The following DIAPH2 variants were observed in gnomAD, a reference collection of about 807,000 sequenced individuals.
DIAPH2 encodes the protein protein diaphanous homolog 2.
A neutral mutation model predicts 92.7 loss-of-function variants in DIAPH2; 35 were observed. The ratio of observed to expected loss-of-function variants is 0.38; its 90% CI spans 0.29 to 0.50. DIAPH2 has a LOEUF of 0.50. Ranked by LOEUF, DIAPH2 falls within the 20% of genes least tolerant of loss-of-function variation. The probability of loss-of-function intolerance (pLI) is 0.94; values close to 1 mark genes in which losing one functional copy is unlikely to be tolerated. For synonymous variants in DIAPH2, 301 were observed against 280.4 expected (o/e 1.07, Z -0.73); for missense variants, 701 against 819.5 (o/e 0.86, Z 1.77).
chrX:97,559,413 C>T (rs1204648517), intron 26 of DIAPH2, among the ~76,000 whole-genome samples: 1 of 108,817 alleles, frequency 9.2e-6, no homozygotes, highest in Non-Finnish European at 1.9e-5. Context: ...TCGCTTGAAT[C>T]CAGGAGGCGG....
At chrX:97,287,811 C>A (rs183398938) in intron 23 of DIAPH2, among the ~76,000 whole-genome samples, 1 of 106,797 alleles carries the variant, frequency 9.4e-6, no homozygotes, top group African/African-American at 3.4e-5. Flanking sequence ...CCAAAATTGG[C>A]CGGGCCTAGT....
intron 26 of DIAPH2, among the ~76,000 whole-genome samples, chrX:97,532,956 T>C (rs2071070473): frequency 9.0e-6 from 1 of 111,468 alleles, no homozygotes; most frequent in South Asian, 3.8e-4. Flanking sequence ...TCTTAGTGGA[T>C]AAGGTATCTG....
At chrX:97,205,046 C>T (rs953108277) in intron 22 of DIAPH2, among the ~76,000 whole-genome samples, 1 of 110,312 alleles carries the variant, frequency 9.1e-6, no homozygotes, top group Non-Finnish European at 1.9e-5. Context: ...TGATCTTCAA[C>T]AAAACTGACA....
intron 19 of DIAPH2, among the ~76,000 whole-genome samples, chrX:97,076,678 G>A (rs1156727366): frequency 9.0e-6 from 1 of 111,447 alleles, no homozygotes; most frequent in Non-Finnish European, 1.9e-5. Flanking sequence ...ATGTCTCTGT[G>A]GAAGCTCTTC....
chrX:97,519,373 A>C (rs1320795004), intron 26 of DIAPH2, among the ~76,000 whole-genome samples: 1 of 112,263 alleles, frequency 8.9e-6, no homozygotes, highest in Non-Finnish European at 1.9e-5. Context: ...TTTATGGGTT[A>C]TTTTCCTCAA....
chrX:97,149,117 T>A (rs924671628), intron 22 of DIAPH2, among the ~76,000 whole-genome samples: 6 of 112,107 alleles, frequency 5.4e-5, no homozygotes, highest in African/African-American at 1.9e-4. Context: ...GAAAAATCTT[T>A]GAGTTTTTTA....
chrX:97,284,401 G>A (rs1355070906), intron 23 of DIAPH2, among the ~76,000 whole-genome samples: 14 of 110,293 alleles, frequency 1.3e-4, no homozygotes, highest in African/African-American at 4.6e-4. Context: ...ACCTGAGGTC[G>A]GAAGTTCGAG....
At chrX:97,445,711 G>A (rs1284437421) in intron 26 of DIAPH2, among the ~76,000 whole-genome samples, 2 of 109,241 alleles carry the variant, frequency 1.8e-5, no homozygotes, top group African/African-American at 6.7e-5. Context: ...GCCTCCCAAA[G>A]TGCTGGGATT....
intron 4 of DIAPH2, among the ~76,000 whole-genome samples, chrX:96,848,398 C>T (rs2064986499): frequency 8.9e-6 from 1 of 111,984 alleles, no homozygotes; most frequent in Admixed American, 9.5e-5. Context: ...CAGACTTCCA[C>T]AGGCTTTTTA....
chrX:96,757,153 G>A (rs1335758097), intron 3 of DIAPH2, among the ~76,000 whole-genome samples: 1 of 110,210 alleles, frequency 9.1e-6, no homozygotes, highest in Non-Finnish European at 1.9e-5. Context: ...TCCTGACCTC[G>A]TGATCCACCC....
At chrX:96,738,287 C>T (rs769717823) in intron 2 of DIAPH2, among the ~76,000 whole-genome samples, 1 of 110,689 alleles carries the variant, frequency 9.0e-6, no homozygotes, top group Non-Finnish European at 1.9e-5. Context: ...AAACAACCAA[C>T]AGGACTTTGA....
At chrX:97,198,156 A>G (rs1308085225) in intron 22 of DIAPH2, among the ~76,000 whole-genome samples, 1 of 109,011 alleles carries the variant, frequency 9.2e-6, no homozygotes, top group African/African-American at 3.4e-5. Flanking sequence ...AAAAAGAAAA[A>G]CTCATTAGAC....
chrX:97,249,359 A>G (rs1438768462), intron 23 of DIAPH2, among the ~76,000 whole-genome samples: 1 of 111,968 alleles, frequency 8.9e-6, no homozygotes, highest in Non-Finnish European at 1.9e-5. Context: ...ATGAAAATCC[A>G]GAGCCTTCTG....
chrX:97,039,356 A>C (rs2066433167), intron 17 of DIAPH2, among the ~76,000 whole-genome samples: 1 of 110,972 alleles, frequency 9.0e-6, no homozygotes, highest in Admixed American at 9.6e-5. Flanking sequence ...TGAAGTTTTC[A>C]TTTGCATTTT....
intron 26 of DIAPH2, among the ~76,000 whole-genome samples, chrX:97,547,593 T>C (rs952686576): frequency 2.7e-5 from 3 of 112,461 alleles, no homozygotes; most frequent in African/African-American, 9.7e-5. Flanking sequence ...TGGATTTCTA[T>C]GCAAGCCTGT....
At chrX:97,055,158 C>T (rs1294387475) in intron 17 of DIAPH2, among the ~76,000 whole-genome samples, 1 of 107,950 alleles carries the variant, frequency 9.3e-6, no homozygotes, top group Non-Finnish European at 1.9e-5. Flanking sequence ...CTCAAAGGAT[C>T]CTCCCGCCTC....
chrX:96,920,771 T>C (rs936903486), intron 9 of DIAPH2, among the ~76,000 whole-genome samples: 3 of 112,510 alleles, frequency 2.7e-5, no homozygotes, highest in Non-Finnish European at 3.8e-5. Flanking sequence ...GGAAGAATCA[T>C]AGATGTCTTG....
At chrX:97,228,880 G>T (rs779458809) in intron 22 of DIAPH2, among the ~76,000 whole-genome samples, 1 of 112,029 alleles carries the variant, frequency 8.9e-6, no homozygotes, top group Admixed American at 9.5e-5. Context: ...AATGTGATTT[G>T]CATATTTAAA....
chrX:97,358,983 C>T (rs750843917), intron 24 of DIAPH2, among the ~76,000 whole-genome samples: 1 of 111,870 alleles, frequency 8.9e-6, no homozygotes, highest in East Asian at 2.8e-4. Context: ...ATATGTCCAT[C>T]CACATTCAGT....
Sources: allele counts gnomAD v4.1 joint callset (sites outside exome capture counted in the v4.1 genomes callset), GRCh38; gene constraint gnomAD v4.1.1; transcripts MANE v1.5; gene names NCBI Gene and HGNC (gene_info 2026-07-23, HGNC 2026-07-21).